The following TAFA1 variants were observed in gnomAD, a reference collection of about 807,000 sequenced individuals.
TAFA1 encodes chemokine-like protein TAFA-1.
TAFA1 carries 4 observed loss-of-function variants against 18.5 expected under a neutral mutation model. The ratio of observed to expected loss-of-function variants is 0.22; its 90% CI spans 0.11 to 0.49. TAFA1 has a LOEUF of 0.49. Among genes scored for constraint, TAFA1 ranks in the 20% least tolerant of loss-of-function variants. The probability of loss-of-function intolerance (pLI) is 0.98; values close to 1 mark genes in which losing one functional copy is unlikely to be tolerated. For missense variants in TAFA1, 147 were observed against 169.0 expected (o/e 0.87, Z 0.72); for synonymous variants, 56 against 55.2 (o/e 1.01, Z -0.06).
chr3:68,168,342 A>G (rs2066010956), intron 2 of TAFA1, among the ~76,000 whole-genome samples: 1 of 152,220 alleles, frequency 6.6e-6, no homozygotes, highest in Non-Finnish European at 1.5e-5. Flanking sequence ...CAGACTTAGT[A>G]ATGATGGTGC....
intron 2 of TAFA1, among the ~76,000 whole-genome samples, chr3:68,313,435 G>A (rs2068556093): frequency 6.6e-6 from 1 of 151,954 alleles, no homozygotes; most frequent in Admixed American, 6.6e-5. Flanking sequence ...CATATACCTT[G>A]TAAAAGAACA....
In TAFA1 at chr3:68,168,677, C is replaced by T. The variant is rs1436217183; in HGVS notation, c.118+161933C>T. ...GATTATTTTGGAGTTGTGTTGCTTG[C>T]CATGAGGTTGCAAGTCTATTTCTAC... On this transcript the variant is annotated intron_variant, in intron 2 of 4. Transcript: ENST00000478136. Among the ~76,000 whole-genome samples the T allele has an allele frequency of 2.0e-5, 3 of 152,292 alleles. No homozygotes were observed. The East Asian group carries it at 5.8e-4, about 29-fold the overall frequency.
At chr3:68,199,143 A>G (rs2066445341) in intron 2 of TAFA1, among the ~76,000 whole-genome samples, 1 of 151,308 alleles carries the variant, frequency 6.6e-6, no homozygotes, top group African/African-American at 2.4e-5. Context: ...TCTCTATTGT[A>G]TTTCCTTTGT....
At chr3:68,276,192 C>A (rs1274676891) in intron 2 of TAFA1, among the ~76,000 whole-genome samples, 16 of 151,248 alleles carry the variant, frequency 1.1e-4, no homozygotes, top group South Asian at 2.1e-4. Context: ...ATAGTCAAAC[C>A]ATTTCTAAGA....
At chr3:68,500,859 C>G (rs2072644970) in intron 3 of TAFA1, among the ~76,000 whole-genome samples, 1 of 151,912 alleles carries the variant, frequency 6.6e-6, no homozygotes, top group African/African-American at 2.4e-5. Context: ...AATTGAGATT[C>G]AGCTATCAAA....
intron 3 of TAFA1, among the ~76,000 whole-genome samples, chr3:68,466,843 G>A (rs191764032): frequency 5.1e-4 from 78 of 152,294 alleles, no homozygotes; most frequent in African/African-American, 1.8e-3. Flanking sequence ...TAAAGGGAAA[G>A]AGTACAAAAA....
intron 3 of TAFA1, among the ~76,000 whole-genome samples, chr3:68,501,803 A>C (rs2072663555): frequency 1.3e-5 from 2 of 152,204 alleles, no homozygotes. Context: ...ATCCAGGAGA[A>C]AGTGATATTG....
At chr3:68,353,139 G>T (rs544096935) in intron 2 of TAFA1, among the ~76,000 whole-genome samples, 1 of 151,954 alleles carries the variant, frequency 6.6e-6, no homozygotes, top group Non-Finnish European at 1.5e-5. Flanking sequence ...GCTCTCCACT[G>T]GGCTGGAATT....
intron 2 of TAFA1, among the ~76,000 whole-genome samples, chr3:68,087,945 A>G (rs1354739542): frequency 1.3e-5 from 2 of 152,146 alleles, no homozygotes; most frequent in East Asian, 1.9e-4. Flanking sequence ...TTGAGCTGAT[A>G]CTGTGTGCCA....
intron 2 of TAFA1, among the ~76,000 whole-genome samples, chr3:68,325,261 A>T (rs1028707615): frequency 6.6e-6 from 1 of 152,196 alleles, no homozygotes; most frequent in African/African-American, 2.4e-5. Flanking sequence ...AGCTGAACAC[A>T]TATCTTTCCC....
chr3:68,255,826 T>C (rs1471040257), intron 2 of TAFA1, among the ~76,000 whole-genome samples: 1 of 152,038 alleles, frequency 6.6e-6, no homozygotes, highest in Non-Finnish European at 1.5e-5. Flanking sequence ...GGAAAACTAG[T>C]CCATTTCTCT....
chr3:68,146,075 T>C (rs767888043), intron 2 of TAFA1, among the ~76,000 whole-genome samples: 14 of 152,172 alleles, frequency 9.2e-5, no homozygotes, highest in Non-Finnish European at 1.8e-4. Flanking sequence ...TGTTGATACA[T>C]TGGTAGAAGT....
intron 2 of TAFA1, among the ~76,000 whole-genome samples, chr3:68,235,066 A>G (rs2066912769): frequency 6.6e-6 from 1 of 152,160 alleles, no homozygotes; most frequent in Admixed American, 6.5e-5. Flanking sequence ...TTCTGAAGGT[A>G]TTGCTCTTAG....
chr3:68,395,933 T>G (rs1304442818), intron 2 of TAFA1, among the ~76,000 whole-genome samples: 2 of 150,492 alleles, frequency 1.3e-5, no homozygotes, highest in East Asian at 3.9e-4. Context: ...TCCCAGAACT[T>G]AAAGTATAAT....
chr3:68,271,983 G>GT (rs2107231916), intron 2 of TAFA1, among the ~76,000 whole-genome samples: 1 of 152,242 alleles, frequency 6.6e-6, no homozygotes, highest in African/African-American at 2.4e-5. Context: ...TTTGCACTGT[G>GT]TAACTATAAA....
At chr3:68,529,463 AAAAG>A (rs1425535998) in intron 3 of TAFA1, among the ~76,000 whole-genome samples, 20 of 142,836 alleles carry the variant, frequency 1.4e-4, no homozygotes, top group Admixed American at 3.5e-4. Flanking sequence ...AAAAAAAAAA[AAAAG>A]AACACAAGCT....
chr3:68,299,159 T>C (rs1304335653), intron 2 of TAFA1, among the ~76,000 whole-genome samples: 1 of 152,226 alleles, frequency 6.6e-6, no homozygotes, highest in Non-Finnish European at 1.5e-5. Context: ...ATGTCCAGGA[T>C]GGCACTTCCC....
At chr3:68,395,573 TAGAC>T (rs1348489884) in intron 2 of TAFA1, among the ~76,000 whole-genome samples, 3 of 152,122 alleles carry the variant, frequency 2.0e-5, no homozygotes, top group African/African-American at 7.2e-5. Flanking sequence ...CCATCAATGA[TAGAC>T]AGGATAAAGA....
At chr3:68,085,513 A>G (rs1470729908) in intron 2 of TAFA1, among the ~76,000 whole-genome samples, 3 of 152,226 alleles carry the variant, frequency 2.0e-5, no homozygotes, top group Non-Finnish European at 4.4e-5. Context: ...GTTAAATGTC[A>G]CTGTAATATC....
Sources: gnomAD v4.1 joint callset for allele counts (sites outside exome capture counted in the v4.1 genomes callset) on GRCh38, gnomAD v4.1.1 for gene constraint, MANE v1.5 for transcripts, NCBI Gene and HGNC (gene_info 2026-07-23, HGNC 2026-07-21) for gene names.